Variants in REEP1 observed in about 807,000 individuals in gnomAD.
REEP1 encodes the protein receptor accessory protein 1, also known as receptor expression-enhancing protein 1.
A neutral mutation model predicts 40.3 loss-of-function variants in REEP1; 22 were observed. That is an observed-to-expected ratio of 0.55 (90% CI 0.39 to 0.78). REEP1 has a LOEUF of 0.78. REEP1 is among the 30% of genes least tolerant of loss of function. The probability of loss-of-function intolerance (pLI) is 0.00; values close to 1 mark genes in which losing one functional copy is unlikely to be tolerated. For synonymous variants in REEP1, 116 were observed against 139.2 expected, an observed-to-expected ratio of 0.83 and a Z score of 1.17; for missense variants, 280 against 361.1, an observed-to-expected ratio of 0.78 and a Z score of 1.82.
In REEP1 at chr2:86,214,607, G is replaced by A. The variant is rs567478262; in HGVS notation, c.*2432C>T. 9.2e-5 allele frequency: 14 copies of A among 152,760 alleles called. 1 individual carries two copies. The highest frequency in any genetic ancestry group is 3.1e-4 in the African/African-American group (13 of 41,572). The allele number at this position is 152,760 out of a possible 1,614,324, so 9.5% of individuals were successfully genotyped here. ...CCACACCACTACATGTACACTTACA[G>A]GCTTTCACATTTTATGTCAGTTCAT... On this transcript the variant is annotated 3_prime_UTR_variant, in exon 9 of 9. Coordinates refer to ENST00000538924, the MANE Select transcript of REEP1 (RefSeq NM_001371279.1).
chr2:86,262,308 G>A (rs951153098), intron 3 of REEP1, among the ~76,000 whole-genome samples: 1 of 152,092 alleles, frequency 6.6e-6, no homozygotes, highest in African/African-American at 2.4e-5. Flanking sequence ...TGACTTCCAG[G>A]GCCAGCCTCA....
chr2:86,322,773 A>G (rs1225702195), intron 1 of REEP1, among the ~76,000 whole-genome samples: 15 of 151,818 alleles, frequency 9.9e-5, no homozygotes, highest in Admixed American at 9.8e-4. Flanking sequence ...TTTTTTAATT[A>G]TCTGGGCGTG....
At chr2:86,288,327 T>C (rs1223633109) in intron 1 of REEP1, among the ~76,000 whole-genome samples, 2 of 152,170 alleles carry the variant, frequency 1.3e-5, no homozygotes, top group Non-Finnish European at 2.9e-5. Context: ...CAGCCTAAAA[T>C]TATTTATTTG....
intron 1 of REEP1, among the ~76,000 whole-genome samples, chr2:86,315,233 C>G (rs1679938552): frequency 1.3e-5 from 2 of 152,190 alleles, no homozygotes. Context: ...CTGGGAAGCA[C>G]AGTCCCGTAG....
At chr2:86,263,774 C>T (rs1676989679) in intron 3 of REEP1, among the ~76,000 whole-genome samples, 191 bp downstream of exon 3, 1 of 152,180 alleles carries the variant, frequency 6.6e-6, no homozygotes, top group South Asian at 2.1e-4. Context: ...TTTATAAGGT[C>T]ATTCAATAAA....
chr2:86,337,367 C>T lies in REEP1; in HGVS notation c.32+112G>A. On this transcript the variant is annotated intron_variant, in intron 1 of 8. Transcript: ENST00000538924. The surrounding 1 kb of genome is among the most constrained non-coding windows in gnomAD (Gnocchi z 5.8). The stretch of plus-strand genomic sequence containing the variant: ...CTGTACCTGCTAAATTTAGCTGCGC[C>T]GGGTATTAATAGCCCGAGCCACTGG... 1 of 637,484 alleles carries T rather than the reference C, an allele frequency of 1.6e-6. No homozygotes were observed. The highest frequency in any genetic ancestry group is 2.2e-6 in the Non-Finnish European group (1 of 461,324). 39.5% of individuals were successfully genotyped at this position (637,484 alleles called of 1,614,324 possible).
chr2:86,308,625 A>G (rs1169844731), intron 1 of REEP1, among the ~76,000 whole-genome samples: 1 of 152,190 alleles, frequency 6.6e-6, no homozygotes, highest in Non-Finnish European at 1.5e-5. Flanking sequence ...GCTTGCCGTG[A>G]CAACTGGAAG....
intron 1 of REEP1, among the ~76,000 whole-genome samples, chr2:86,333,002 C>T (rs1160018020): frequency 6.6e-6 from 1 of 152,208 alleles, no homozygotes. Flanking sequence ...CAGACCAGCA[C>T]TGGGACTAGA....
intron 3 of REEP1, among the ~76,000 whole-genome samples, chr2:86,256,188 A>G (rs1023551428): frequency 6.6e-6 from 1 of 151,942 alleles, no homozygotes; most frequent in Non-Finnish European, 1.5e-5. Context: ...CTCTACTAAA[A>G]AATACAAAAA....
At chr2:86,256,823 G>T (rs1676587906) in intron 3 of REEP1, among the ~76,000 whole-genome samples, 1 of 152,154 alleles carries the variant, frequency 6.6e-6, no homozygotes, top group Admixed American at 6.5e-5. Flanking sequence ...GCTATGAGAT[G>T]AGACAGTCAC....
At chr2:86,237,433 A>G (rs1675422576) in intron 5 of REEP1, among the ~76,000 whole-genome samples, 1 of 152,248 alleles carries the variant, frequency 6.6e-6, no homozygotes, top group South Asian at 2.1e-4. Context: ...AGACTCTGAA[A>G]GTGAAAAAGT....
chr2:86,227,413 TA>T lies in REEP1; in HGVS notation c.596-16del. The T allele has an allele frequency of 8.1e-7, 1 of 1,232,224 alleles. No homozygotes were observed. Among genetic ancestry groups the T allele is most frequent in the Non-Finnish European group, 1.0e-6 (1 of 988,172 alleles). The allele number at this position is 1,232,224 out of a possible 1,614,324, so 76.3% of individuals were successfully genotyped here. On this transcript the variant is annotated splice_polypyrimidine_tract_variant and intron_variant, in intron 6 of 8. Coordinates refer to ENST00000538924, the MANE Select transcript of REEP1 (RefSeq NM_001371279.1). Reference sequence around the variant, plus strand: ...GCAGGTACACACTGTGGGAATGGGGTAGGGGCACCATCAGTGACATCCCCCA... The same window carrying T: ...GCAGGTACACACTGTGGGAATGGGGTGGGGCACCATCAGTGACATCCCCCA...
chr2:86,245,650 C>T (rs1675898279), intron 5 of REEP1, among the ~76,000 whole-genome samples: 1 of 152,116 alleles, frequency 6.6e-6, no homozygotes, highest in Non-Finnish European at 1.5e-5. Context: ...TTGCAACTGG[C>T]CCCCTGGCTC....
intron 1 of REEP1, among the ~76,000 whole-genome samples, chr2:86,299,050 T>C (rs1679141650): frequency 6.6e-6 from 1 of 152,192 alleles, no homozygotes; most frequent in African/African-American, 2.4e-5. Flanking sequence ...AAGATACCAT[T>C]GTTCCCTACT....
intron 2 of REEP1, among the ~76,000 whole-genome samples, chr2:86,264,743 C>G (rs905255273): frequency 1.3e-5 from 2 of 152,304 alleles, no homozygotes; most frequent in South Asian, 4.1e-4. Flanking sequence ...AAGGCTCCTA[C>G]TAATAATGAT....
intron 1 of REEP1, among the ~76,000 whole-genome samples, chr2:86,335,015 T>A (rs1680946263): frequency 6.6e-6 from 1 of 152,196 alleles, no homozygotes. Flanking sequence ...GCGTTCTGAC[T>A]CCAAACACAG....
At chr2:86,337,711 C>G, upstream of REEP1, 8 of 963,698 alleles carry the variant, frequency 8.3e-6, no homozygotes, top group Non-Finnish European at 9.9e-6. This position sits in a 1 kb window ranked among gnomAD's most constrained non-coding sequence, Gnocchi z 5.8. Context: ...CCCCAGCCCC[C>G]CGGGGCTCGG....
At chr2:86,310,692 T>G (rs1015464825) in intron 1 of REEP1, among the ~76,000 whole-genome samples, 66 of 149,418 alleles carry the variant, frequency 4.4e-4, no homozygotes, top group African/African-American at 1.6e-3. Flanking sequence ...CATCATTACT[T>G]CTCTCTCCTC....
rs373613037 is a variant in REEP1 at position 86,331,782 on chromosome 2, T to C, written c.32+5697A>G. ...ATCTGACAATGGGGCAGACCTTTTC[T>C]GATCAGGAATGAGCTAAGTGTGGAA... On this transcript the variant is annotated intron_variant, in intron 1 of 8. Coordinates refer to ENST00000538924, the MANE Select transcript of REEP1 (RefSeq NM_001371279.1). Among the ~76,000 whole-genome samples, 146 of 152,286 alleles carry C rather than the reference T, an allele frequency of 9.6e-4. 1 individual carries two copies. The highest frequency in any genetic ancestry group is 3.4e-3 in the African/African-American group (140 of 41,542).
Sources: allele counts gnomAD v4.1 joint callset (sites outside exome capture counted in the v4.1 genomes callset), GRCh38; gene constraint gnomAD v4.1.1; non-coding constraint Gnocchi (gnomAD v3.1); transcripts MANE v1.5; gene names NCBI Gene and HGNC (gene_info 2026-07-23, HGNC 2026-07-21).